KPTN: variants seen among roughly 807,000 people sequenced by gnomAD.
KPTN encodes KICSTOR complex protein kaptin.
In KPTN, 36 loss-of-function variants were observed where a neutral mutation model predicts 52.6. That is an observed-to-expected ratio of 0.68 (90% CI 0.52 to 0.90). KPTN has a LOEUF of 0.90. Ranked by LOEUF, KPTN falls within the 40% of genes least tolerant of loss-of-function variation. The pLI is 0.00. For missense variants in KPTN, 529 were observed against 576.2 expected (o/e 0.92, Z 0.84); for synonymous variants, 271 against 248.4 (o/e 1.09, Z -0.85).
At chr19:47,479,612 C>T (rs1967793940) in intron 8 of KPTN, among the ~76,000 whole-genome samples, 1 of 152,102 alleles carries the variant, frequency 6.6e-6, no homozygotes, top group Non-Finnish European at 1.5e-5. Context: ...AGGAGAACAA[C>T]TATGGACCCT....
chr19:47,476,500 G>T (rs200373717), intron 11 of KPTN, 32 bp downstream of exon 11: 1 of 1,564,156 alleles, frequency 6.4e-7, no homozygotes, highest in South Asian at 1.1e-5. Context: ...TGCTGAGGTC[G>T]ACTCCCCTCC....
In KPTN at chr19:47,476,834, C is replaced by T. The variant is rs199648809; in HGVS notation, c.968G>A (p.Arg323Gln). The T allele has an allele frequency of 6.9e-5, 109 of 1,582,272 alleles. No homozygotes were observed. The highest frequency in any genetic ancestry group is 9.1e-5 in the Admixed American group (5 of 54,810). Residue 323 changes from arginine to glutamine, a missense_variant, in exon 10 of 12, where the codon CGG becomes CAG. Arg to Gln is a conservative substitution (Grantham distance 43). Transcript: ENST00000338134. Reference sequence around the variant, plus strand: ...ATAGGTGGCCACCAGGACTTCTGGCCGCCCATCCAAATCCACATCGGTGAC... The same window carrying T: ...ATAGGTGGCCACCAGGACTTCTGGCTGCCCATCCAAATCCACATCGGTGAC... ...SLVTDVDLDG[R>Q]PEVLVATYGQ...
At chr19:47,480,275 C>A in intron 7 of KPTN, 23 bp downstream of exon 7, 11 of 817,942 alleles carry the variant, frequency 1.3e-5, no homozygotes, top group Non-Finnish European at 2.0e-5. Context: ...CCACCCCTTA[C>A]CCCGCCTCAC....
intron 1 of KPTN, 106 bp downstream of exon 1, chr19:47,483,829 C>T: frequency 2.0e-6 from 3 of 1,485,390 alleles, no homozygotes; most frequent in Non-Finnish European, 2.7e-6. Flanking sequence ...TTAAAACCAC[C>T]TGATCCCATT....
chr19:47,480,671 C>A, intron 6 of KPTN, 89 bp downstream of exon 6: 1 of 1,228,096 alleles, frequency 8.1e-7, no homozygotes, highest in Non-Finnish European at 1.2e-6. Flanking sequence ...AGCTCCTCCC[C>A]GGTGACCAAT....
chr19:47,483,751 G>C (rs1247228251), intron 1 of KPTN, 167 bp from the exon 2 acceptor site: 1 of 946,236 alleles, frequency 1.1e-6, no homozygotes, highest in Non-Finnish European at 1.6e-6. Context: ...CTGTAAGTCT[G>C]AAGAATCCTG....
chr19:47,478,962 TG>T (rs1967771537), intron 8 of KPTN, among the ~76,000 whole-genome samples: 3 of 152,192 alleles, frequency 2.0e-5, no homozygotes, highest in Non-Finnish European at 4.4e-5. Flanking sequence ...GGGTGATGGG[TG>T]TGCTAAGATC....
intron 7 of KPTN, 86 bp from the exon 8 acceptor site, chr19:47,480,026 T>C (rs1365656344): frequency 2.2e-6 from 2 of 912,572 alleles, no homozygotes; most frequent in Non-Finnish European, 3.0e-6. Context: ...GCCCCCACCG[T>C]TCATCCCCAC....
chr19:47,483,027 C>T (rs1458287031), intron 4 of KPTN, 134 bp downstream of exon 4: 1 of 969,372 alleles, frequency 1.0e-6, no homozygotes, highest in East Asian at 2.4e-5. Flanking sequence ...TTTTCAATCC[C>T]TAATCTAGTA....
chr19:47,483,384 C>T lies in KPTN; in HGVS notation c.310-5G>A. The T allele has an allele frequency of 6.2e-7, 1 of 1,613,492 alleles. No homozygotes were observed. ...GCTGCCCTTGTCCCCTGAATCCTGG[C>T]GGAGGACACGGGGTTCAGGGGAGGG... On this transcript the variant is annotated splice_polypyrimidine_tract_variant and splice_region_variant and intron_variant, in intron 2 of 11. Transcript: ENST00000338134.
At chr19:47,483,072 A>G in intron 4 of KPTN, 89 bp downstream of exon 4, 1 of 1,251,480 alleles carries the variant, frequency 8.0e-7, no homozygotes, top group Non-Finnish European at 1.2e-6. Flanking sequence ...GAAACAGACT[A>G]CAGGGGTCTG....
intron 8 of KPTN, among the ~76,000 whole-genome samples, chr19:47,478,188 G>T (rs1174867260): frequency 6.6e-6 from 1 of 152,122 alleles, no homozygotes; most frequent in Non-Finnish European, 1.5e-5. Context: ...TCAGGAAAAA[G>T]TCTTGAGGCT....
At chr19:47,477,401 AC>A (rs1202223353) in intron 9 of KPTN, among the ~76,000 whole-genome samples, 1 of 151,734 alleles carries the variant, frequency 6.6e-6, no homozygotes, top group African/African-American at 2.4e-5. Context: ...CACTTTGGAA[AC>A]TCTGGTAAAT....
intron 7 of KPTN, 143 bp downstream of exon 7, chr19:47,480,155 C>T: frequency 2.0e-6 from 1 of 504,270 alleles, no homozygotes; most frequent in South Asian, 1.9e-5. Flanking sequence ...CCCACCCTAG[C>T]CCCACCCGGC....
At chr19:47,485,221 T>G (rs1013709994), upstream of KPTN, among the ~76,000 whole-genome samples, 2 of 152,218 alleles carry the variant, frequency 1.3e-5, no homozygotes, top group Admixed American at 1.3e-4. Context: ...GAGCTTTTAC[T>G]ATGTGCCCGG....
intron 7 of KPTN, 123 bp downstream of exon 7, chr19:47,480,175 C>G (rs1175737658): frequency 3.4e-6 from 2 of 595,484 alleles, no homozygotes; most frequent in Non-Finnish European, 5.9e-6. Context: ...CAAGCCCCAC[C>G]CTCATCCCTC....
chr19:47,478,581 A>AAAAAAAAAAAAAAAAAAAC (rs1967758764), intron 8 of KPTN, among the ~76,000 whole-genome samples: 1 of 150,954 alleles, frequency 6.6e-6, no homozygotes, highest in African/African-American at 2.4e-5. Flanking sequence ...AAAAAAAAAA[A>AAAAAAAAAAAAAAAAAAAC]AAAAAAAGAC....
intron 9 of KPTN, among the ~76,000 whole-genome samples, 187 bp from the exon 10 acceptor site, chr19:47,477,125 G>A (rs1967699014): frequency 1.3e-5 from 2 of 152,190 alleles, no homozygotes; most frequent in African/African-American, 4.8e-5. Flanking sequence ...GTCAACCTGT[G>A]CACTCAAGCC....
intron 4 of KPTN, among the ~76,000 whole-genome samples, chr19:47,482,806 A>G (rs1358919987): frequency 6.6e-6 from 1 of 152,120 alleles, no homozygotes; most frequent in Non-Finnish European, 1.5e-5. Flanking sequence ...CCCGGGTTCA[A>G]GTGATTCTCC....
Sources: allele counts gnomAD v4.1 joint callset (sites outside exome capture counted in the v4.1 genomes callset), GRCh38; gene constraint gnomAD v4.1.1; transcripts MANE v1.5; gene names NCBI Gene and HGNC (gene_info 2026-07-23, HGNC 2026-07-21).